SPMIP7: variants seen among roughly 807,000 people sequenced by gnomAD.
SPMIP7 encodes sperm microtubule inner protein 7.
At chr7:50,116,179 G>A in the SPMIP7 span, among the ~76,000 whole-genome samples, 1 of 152,290 alleles carries the variant, frequency 6.6e-6, no homozygotes, top group Admixed American at 6.5e-5. Context: ...GTAGTGGCGT[G>A]ATCACAGCTC....
At chr7:50,124,153 T>C in the SPMIP7 span, among the ~76,000 whole-genome samples, 1 of 152,156 alleles carries the variant, frequency 6.6e-6, no homozygotes, top group African/African-American at 2.4e-5. Flanking sequence ...GAGAGTCATG[T>C]CTTAGTTACA....
At chr7:50,109,023 T>A in the SPMIP7 span, among the ~76,000 whole-genome samples, 1 of 152,186 alleles carries the variant, frequency 6.6e-6, no homozygotes, top group Non-Finnish European at 1.5e-5. Flanking sequence ...TAGCACTTAA[T>A]TTCAGGCTTG....
the SPMIP7 span, among the ~76,000 whole-genome samples, chr7:50,113,062 G>C: frequency 2.6e-5 from 4 of 151,884 alleles, no homozygotes; most frequent in Non-Finnish European, 5.9e-5. Context: ...CCACAAACTA[G>C]AATAAAAAAC....
the SPMIP7 span, among the ~76,000 whole-genome samples, chr7:50,108,603 A>G: frequency 6.6e-6 from 1 of 152,162 alleles, no homozygotes; most frequent in African/African-American, 2.4e-5. Context: ...TCTCTTTGAT[A>G]AAGGGCAATA....
the SPMIP7 span, among the ~76,000 whole-genome samples, chr7:50,101,609 A>G: frequency 1.3e-5 from 2 of 152,222 alleles, no homozygotes; most frequent in Non-Finnish European, 2.9e-5. Context: ...GGTGTAATTC[A>G]TCGTCCAGAG....
the SPMIP7 span, chr7:50,095,992 A>G: frequency 1.2e-6 from 1 of 821,190 alleles, no homozygotes; most frequent in East Asian, 2.8e-5. Flanking sequence ...TTTAACACAG[A>G]TCTTTAGTTA....
chr7:50,131,806 A>G, the SPMIP7 span, among the ~76,000 whole-genome samples: 7 of 152,290 alleles, frequency 4.6e-5, no homozygotes, highest in Non-Finnish European at 7.3e-5. Flanking sequence ...AGAATTCAGC[A>G]GAGTGATAGA....
At chr7:50,117,992 C>T in the SPMIP7 span, among the ~76,000 whole-genome samples, 1 of 152,288 alleles carries the variant, frequency 6.6e-6, no homozygotes, top group South Asian at 2.1e-4. Context: ...AGCTGTAAAA[C>T]TAAACCTGAG....
the SPMIP7 span, among the ~76,000 whole-genome samples, chr7:50,145,626 A>ATATG: frequency 8.2e-5 from 6 of 73,490 alleles, 1 homozygote; most frequent in African/African-American, 3.3e-4. Flanking sequence ...GTGTATATAT[A>ATATG]TATATATATA....
the SPMIP7 span, among the ~76,000 whole-genome samples, chr7:50,127,942 A>C: frequency 6.6e-6 from 1 of 151,986 alleles, no homozygotes; most frequent in Non-Finnish European, 1.5e-5. Flanking sequence ...ATACTATATG[A>C]TTCAGTGATT....
chr7:50,109,261 A>G, the SPMIP7 span, among the ~76,000 whole-genome samples: 2 of 152,200 alleles, frequency 1.3e-5, no homozygotes, highest in Non-Finnish European at 2.9e-5. Flanking sequence ...AAAAGGAGAT[A>G]AACACAACTT....
chr7:50,130,326 G>A, the SPMIP7 span, among the ~76,000 whole-genome samples: 1 of 152,076 alleles, frequency 6.6e-6, no homozygotes, highest in African/African-American at 2.4e-5. Flanking sequence ...ATGGCAGAAG[G>A]CAAGGAGGAG....
chr7:50,134,430 C>T, the SPMIP7 span, among the ~76,000 whole-genome samples: 3 of 152,060 alleles, frequency 2.0e-5, no homozygotes, highest in Admixed American at 6.6e-5. Flanking sequence ...TTTCCGTAAT[C>T]GTGCAAGTTA....
At chr7:50,158,919 G>T in the SPMIP7 span, 8 of 891,330 alleles carry the variant, frequency 9.0e-6, no homozygotes, top group Non-Finnish European at 1.2e-5. Context: ...AGTCATCCTC[G>T]CTCCCTGCCT....
chr7:50,152,598 C>T, the SPMIP7 span, among the ~76,000 whole-genome samples: 1 of 152,172 alleles, frequency 6.6e-6, no homozygotes, highest in Non-Finnish European at 1.5e-5. Context: ...CGGCAGTTCG[C>T]CCCCAAAAGG....
the SPMIP7 span, among the ~76,000 whole-genome samples, chr7:50,138,751 AC>A: frequency 7.0e-6 from 1 of 142,680 alleles, no homozygotes; most frequent in Non-Finnish European, 1.5e-5. Flanking sequence ...GTATAAAGTG[AC>A]CTTTAAATGG....
At chr7:50,147,936 T>C in the SPMIP7 span, among the ~76,000 whole-genome samples, 2 of 152,166 alleles carry the variant, frequency 1.3e-5, no homozygotes, top group Non-Finnish European at 2.9e-5. Context: ...TTTCCTCAAA[T>C]GGGGAGTGGA....
chr7:50,156,750 C>T, the SPMIP7 span, among the ~76,000 whole-genome samples: 9 of 151,990 alleles, frequency 5.9e-5, no homozygotes, highest in Non-Finnish European at 1.3e-4. Flanking sequence ...CCTGTGGTCC[C>T]ATCAGTCCTG....
At chr7:50,106,506 G>C in the SPMIP7 span, among the ~76,000 whole-genome samples, 2 of 152,148 alleles carry the variant, frequency 1.3e-5, no homozygotes, top group African/African-American at 4.8e-5. Context: ...ATCCTAGACT[G>C]CTCTCATTTC....
Sources: gnomAD v4.1 joint callset for allele counts (sites outside exome capture counted in the v4.1 genomes callset) on GRCh38, gnomAD v4.1.1 for gene constraint, MANE v1.5 for transcripts, NCBI Gene and HGNC (gene_info 2026-07-23, HGNC 2026-07-21) for gene names.